Variants in CAMTA1 observed in about 807,000 individuals in gnomAD.
CAMTA1 encodes the protein calmodulin binding transcription activator 1, also known as calmodulin-binding transcription activator 1.
CAMTA1 carries 27 observed loss-of-function variants against 170.9 expected under a neutral mutation model. The ratio of observed to expected loss-of-function variants is 0.16; its 90% CI spans 0.12 to 0.22. The LOEUF (loss-of-function observed/expected upper bound fraction) is 0.22, where lower values mean the gene tolerates loss of function less well. Ranked by LOEUF, CAMTA1 falls within the 10% of genes least tolerant of loss-of-function variation. CAMTA1 has a pLI of 1.00. For synonymous variants in CAMTA1, 833 were observed against 891.5 expected (o/e 0.93, Z 1.17); for missense variants, 1,619 against 2,217.2 (o/e 0.73, Z 5.42).
At chr1:7,310,612 C>CTTTTCT (rs1557489931) in intron 5 of CAMTA1, among the ~76,000 whole-genome samples, 1 of 3,106 alleles carries the variant, frequency 3.2e-4, no homozygotes, top group Non-Finnish European at 5.7e-4. Flanking sequence ...TTCTTTCTTT[C>CTTTTCT]TTTCTTTCTT....
chr1:7,606,691 C>G (rs908328026), intron 6 of CAMTA1, among the ~76,000 whole-genome samples: 2 of 152,196 alleles, frequency 1.3e-5, no homozygotes, highest in African/African-American at 2.4e-5. Context: ...CAAGCGTGTC[C>G]TCCTCTCCAG....
At position 7,585,070 on chromosome 1, in the gene CAMTA1, A is replaced by G. The variant is rs2095297839; in HGVS notation, c.511-55330A>G. On this transcript the variant is annotated intron_variant, in intron 6 of 22. Transcript: ENST00000303635. This position sits in a 1 kb window ranked among gnomAD's most constrained non-coding sequence, Gnocchi z 4.8. Reference sequence around the variant, plus strand: ...GATGCATTAATATTTCTGCAGCAAAATTTATGAATATTCACACAAAGAGGG... The same window carrying G: ...GATGCATTAATATTTCTGCAGCAAAGTTTATGAATATTCACACAAAGAGGG... 6.6e-6 allele frequency among the ~76,000 whole-genome samples: 1 copy of G among 152,208 alleles called. No individual in the cohort carries two copies. The highest frequency in any genetic ancestry group is 1.5e-5 in the Non-Finnish European group (1 of 68,038).
intron 1 of CAMTA1, among the ~76,000 whole-genome samples, chr1:6,796,165 G>A (rs1642459100): frequency 8.2e-6 from 1 of 122,156 alleles, no homozygotes; most frequent in Non-Finnish European, 1.6e-5. Context: ...TTTTGGAGAC[G>A]GTCTCACTGT....
In CAMTA1 at chr1:7,073,670, G is replaced by A. The variant is rs565531171; in HGVS notation, c.235-17634G>A. ...TTATCAAAAGATGCTGGTAGGGCAA[G>A]TAAAATTAAGATTAAGAATTTGCCA... On this transcript the variant is annotated intron_variant, in intron 3 of 22. Transcript: ENST00000303635. 2.0e-4 allele frequency among the ~76,000 whole-genome samples: 30 copies of A among 152,334 alleles called. No homozygotes were observed. In the South Asian group the frequency reaches 6.0e-3, roughly 30 times the overall value.
intron 16 of CAMTA1, among the ~76,000 whole-genome samples, chr1:7,741,846 C>T (rs968220518): frequency 6.6e-6 from 1 of 151,758 alleles, no homozygotes; most frequent in Admixed American, 6.6e-5. Context: ...GCTGTGTTAG[C>T]CAGGATGGTC....
intron 5 of CAMTA1, among the ~76,000 whole-genome samples, chr1:7,270,256 CA>C (rs1669542863): frequency 3.4e-5 from 1 of 29,572 alleles, no homozygotes; most frequent in Non-Finnish European, 8.5e-5. Flanking sequence ...CACACACACA[CA>C]CACACACACA....
At chr1:6,993,633 G>C (rs1018164226) in intron 3 of CAMTA1, among the ~76,000 whole-genome samples, 2 of 151,924 alleles carry the variant, frequency 1.3e-5, no homozygotes, top group Admixed American at 6.6e-5. Context: ...TCTACTTCTG[G>C]TAAACTGTTT....
intron 3 of CAMTA1, among the ~76,000 whole-genome samples, chr1:6,884,291 G>GAC (rs112571156): frequency 0.12 from 16,532 of 136,480 alleles, 981 homozygotes; most frequent in East Asian, 0.22. Context: ...ATTCTCTAGA[G>GAC]ACACACACAC....
chr1:7,112,940 A>T (rs1644151702), intron 4 of CAMTA1, among the ~76,000 whole-genome samples: 1 of 152,128 alleles, frequency 6.6e-6, no homozygotes, highest in Non-Finnish European at 1.5e-5. Flanking sequence ...GCCCTGTTGA[A>T]TGCGTTGATG....
chr1:7,297,428 T>C (rs1574502820), intron 5 of CAMTA1, among the ~76,000 whole-genome samples: 1 of 152,344 alleles, frequency 6.6e-6, no homozygotes, highest in South Asian at 2.1e-4. Context: ...GGGGAACAAA[T>C]GCCCAAGGTA....
intron 1 of CAMTA1, among the ~76,000 whole-genome samples, chr1:6,794,083 G>C (rs1249481096): frequency 6.6e-6 from 1 of 152,186 alleles, no homozygotes. Flanking sequence ...TCAGATATTT[G>C]AAGAAGAAAT....
At chr1:7,250,357 G>T (rs1666438639) in intron 5 of CAMTA1, among the ~76,000 whole-genome samples, 1 of 152,172 alleles carries the variant, frequency 6.6e-6, no homozygotes, top group Non-Finnish European at 1.5e-5. Context: ...TGAAGTCTTG[G>T]CCTGCTGGTT....
chr1:7,143,311 T>A (rs181892814), intron 4 of CAMTA1, among the ~76,000 whole-genome samples: 293 of 152,358 alleles, frequency 1.9e-3, no homozygotes, highest in African/African-American at 6.7e-3. Context: ...AGATATTATG[T>A]ATTTGGAAAA....
At chr1:7,660,895 C>T (rs1333836127) in intron 7 of CAMTA1, among the ~76,000 whole-genome samples, 1 of 152,248 alleles carries the variant, frequency 6.6e-6, no homozygotes. Flanking sequence ...GTGCCGGACT[C>T]AGGACTTAGC....
intron 6 of CAMTA1, among the ~76,000 whole-genome samples, chr1:7,500,255 G>A (rs1233034370): frequency 2.8e-5 from 4 of 145,402 alleles, no homozygotes; most frequent in African/African-American, 7.8e-5. Context: ...GTGTAGAGAG[G>A]ATTGTGTGAG....
intron 11 of CAMTA1, among the ~76,000 whole-genome samples, chr1:7,704,950 G>A (rs1577044459): frequency 7.3e-6 from 1 of 136,062 alleles, no homozygotes; most frequent in Non-Finnish European, 1.6e-5. Flanking sequence ...GAGGGCGGCG[G>A]CCGGCGGGGG....
At chr1:7,247,016 T>C (rs947852050) in intron 4 of CAMTA1, among the ~76,000 whole-genome samples, 4 of 152,200 alleles carry the variant, frequency 2.6e-5, no homozygotes, top group Non-Finnish European at 5.9e-5. Flanking sequence ...TGGGCCCTTC[T>C]GCAGCCTGTC....
rs34382670 is a variant in CAMTA1, at chr1:7,246,670, CTT to C, written c.303-2800_303-2799del. Among the ~76,000 whole-genome samples the C allele has an allele frequency of 1.0e-3, 75 of 73,916 alleles. 2 individuals are homozygous for C. In the South Asian group the frequency reaches 0.02, roughly 19 times the overall value. 48.5% of individuals were successfully genotyped at this position (73,916 alleles called of 152,430 possible). On this transcript the variant is annotated intron_variant, in intron 4 of 22. Transcript: ENST00000303635. The stretch of plus-strand genomic sequence containing the variant: ...ATCCCTTCCCACCAGCTCTGACCTG[CTT>C]TTTTTTTTTTTTTTTTTTTTGACAT...
intron 6 of CAMTA1, among the ~76,000 whole-genome samples, chr1:7,527,712 C>A (rs2094446086): frequency 6.6e-6 from 1 of 152,192 alleles, no homozygotes; most frequent in African/African-American, 2.4e-5. Context: ...TGCCTCGACC[C>A]GGAGATAGGG....
Sources: gnomAD v4.1 joint callset for allele counts (sites outside exome capture counted in the v4.1 genomes callset) on GRCh38, gnomAD v4.1.1 for gene constraint, Gnocchi (gnomAD v3.1) non-coding constraint, MANE v1.5 for transcripts, NCBI Gene and HGNC (gene_info 2026-07-23, HGNC 2026-07-21) for gene names.